The following CCDC85C variants were observed in gnomAD, a reference collection of about 807,000 sequenced individuals.
The protein encoded by CCDC85C is coiled-coil domain containing 85C, also known as coiled-coil domain-containing protein 85C.
A neutral mutation model predicts 38.3 loss-of-function variants in CCDC85C; 18 were observed. The observed-to-expected ratio is 0.47, with a 90% CI of 0.33 to 0.70. CCDC85C has a LOEUF of 0.70. Ranked by LOEUF, CCDC85C falls within the 30% of genes least tolerant of loss-of-function variation. CCDC85C has a pLI of 0.03. For synonymous variants in CCDC85C, 264 were observed against 293.8 expected, an observed-to-expected ratio of 0.90 and a Z score of 1.04; for missense variants, 566 against 621.2, an observed-to-expected ratio of 0.91 and a Z score of 0.94.
rs1197397202 is a variant in CCDC85C, at chr14:99,510,080, C to T, written c.*5166G>A. 8 of 1,418,832 alleles carry T rather than the reference C, an allele frequency of 5.6e-6. No individual in the cohort carries two copies. Among genetic ancestry groups the T allele is most frequent in the Non-Finnish European group, 6.6e-6 (7 of 1,059,302 alleles). 87.9% of individuals were successfully genotyped at this position (1,418,832 alleles called of 1,614,324 possible). On this transcript the variant is annotated 3_prime_UTR_variant, in exon 6 of 6. Transcript: ENST00000380243. ...GCTCCCTGCTCCTCTGTAAAGATGGCCCTGAAGGGCCAGGAGGCACTGAAA... is the reference window on the plus strand; with the variant it reads ...GCTCCCTGCTCCTCTGTAAAGATGGTCCTGAAGGGCCAGGAGGCACTGAAA...
chr14:99,580,602 C>T lies in CCDC85C; in HGVS notation c.793+22565G>A, dbSNP rs564494158. ...ACTCATGGCCGGGCATGGTGGCTCA[C>T]GTCTGTAATCCCAGCACTTTGGGAG... On this transcript the variant is annotated intron_variant, in intron 1 of 5. Transcript: ENST00000380243. Among the ~76,000 whole-genome samples, 6 of 152,138 alleles carry T rather than the reference C, an allele frequency of 3.9e-5. No homozygotes were observed. In the East Asian group the frequency reaches 5.8e-4, roughly 15 times the overall value.
intron 1 of CCDC85C, among the ~76,000 whole-genome samples, chr14:99,577,967 C>T (rs1352046448): frequency 6.9e-6 from 1 of 144,344 alleles, no homozygotes; most frequent in Non-Finnish European, 1.5e-5. Context: ...CCCATACAGC[C>T]CATCCTGTAT....
intron 1 of CCDC85C, among the ~76,000 whole-genome samples, chr14:99,586,688 A>G (rs974899636): frequency 2.0e-5 from 3 of 152,142 alleles, no homozygotes; most frequent in African/African-American, 7.2e-5. Flanking sequence ...CCAGATGCCA[A>G]CTCATCACTG....
At position 99,573,319 on chromosome 14, in the gene CCDC85C, G is replaced by A. The variant is rs548499046; in HGVS notation, c.793+29848C>T. On this transcript the variant is annotated intron_variant, in intron 1 of 5. Transcript: ENST00000380243. ...GCCGGCTCTGCCTGGTGCATGGGTC[G>A]AGGTGCTCATCAGTTTCAGAAGCTG... Among the ~76,000 whole-genome samples, 49 of 152,302 alleles carry A rather than the reference G, an allele frequency of 3.2e-4. No homozygotes were observed. In the South Asian group the frequency reaches 5.4e-3, roughly 17 times the overall value.
intron 1 of CCDC85C, among the ~76,000 whole-genome samples, chr14:99,546,458 G>A (rs564963688): frequency 6.6e-6 from 1 of 152,238 alleles, no homozygotes; most frequent in Admixed American, 6.5e-5. Context: ...GATCTGCGGT[G>A]AGAGCAGTGG....
At position 99,568,990 on chromosome 14, in the gene CCDC85C, T is replaced by C. The variant is rs140694604; in HGVS notation, c.794-32902A>G. Among the ~76,000 whole-genome samples, 113 of 152,208 alleles carry C rather than the reference T, an allele frequency of 7.4e-4. No homozygotes were observed. In the East Asian group the frequency reaches 0.018, roughly 25 times the overall value. ...TCTCTCTCCTGGGAGGGCTGGCGCC[T>C]GGCACAGCCCCAGGTCCATGGGCTA... On this transcript the variant is annotated intron_variant, in intron 1 of 5. Coordinates refer to ENST00000380243, the MANE Select transcript of CCDC85C (RefSeq NM_001144995.2).
At chr14:99,578,107 AGT>A (rs58957780) in intron 1 of CCDC85C, among the ~76,000 whole-genome samples, 4,808 of 75,940 alleles carry the variant, frequency 0.063, 280 homozygotes, top group Middle Eastern at 0.1. Flanking sequence ...ATCCCCCATC[AGT>A]GTGTGTGTGT....
At chr14:99,570,538 A>G (rs2400748) in intron 1 of CCDC85C, among the ~76,000 whole-genome samples, 86,268 of 151,974 alleles carry the variant, frequency 0.57, 24,533 homozygotes, top group African/African-American at 0.62. Context: ...TGGGCCTCGG[A>G]TGCTTCTTTT....
chr14:99,582,104 A>C (rs1330886439), intron 1 of CCDC85C, among the ~76,000 whole-genome samples: 1 of 152,184 alleles, frequency 6.6e-6, no homozygotes, highest in Non-Finnish European at 1.5e-5. Flanking sequence ...TCAGGTGGCC[A>C]CACCCAGCGG....
chr14:99,515,193 A>G lies in CCDC85C; in HGVS notation c.*53T>C. ...GTCCTGCCCGTGTCTGGGGCCTGAAACTCCCCCTGGGGACCCCCAGCAGGG... is the reference window on the plus strand; with the variant it reads ...GTCCTGCCCGTGTCTGGGGCCTGAAGCTCCCCCTGGGGACCCCCAGCAGGG... On this transcript the variant is annotated 3_prime_UTR_variant, in exon 6 of 6. Coordinates refer to ENST00000380243, the MANE Select transcript of CCDC85C (RefSeq NM_001144995.2). 7.2e-7 allele frequency: 1 copy of G among 1,389,942 alleles called. No individual in the cohort carries two copies. Among genetic ancestry groups the G allele is most frequent in the Non-Finnish European group, 9.9e-7 (1 of 1,008,148 alleles). The allele number at this position is 1,389,942 out of a possible 1,614,324, so 86.1% of individuals were successfully genotyped here. A position where few individuals can be genotyped will look rare whatever the true frequency, so the allele number is the denominator to read the frequency against.
chr14:99,580,119 G>C, intron 1 of CCDC85C: 1 of 455,682 alleles, frequency 2.2e-6, no homozygotes, highest in South Asian at 1.5e-5. Flanking sequence ...AAAGTGGCTG[G>C]AGCTGCTGGG....
In CCDC85C at chr14:99,572,451, G is replaced by A. The variant is rs1417878509; in HGVS notation, c.793+30716C>T. 1.3e-5 allele frequency among the ~76,000 whole-genome samples: 2 copies of A among 151,622 alleles called. No individual in the cohort carries two copies. The highest frequency in any genetic ancestry group is 2.9e-5 in the Non-Finnish European group (2 of 67,920). Reference sequence around the variant, plus strand: ...GGCCCTGCTCCACAGGGAAGCCAGAGGGCCTCACAAGTATAAATGATCAGG... The same window carrying A: ...GGCCCTGCTCCACAGGGAAGCCAGAAGGCCTCACAAGTATAAATGATCAGG... On this transcript the variant is annotated intron_variant, in intron 1 of 5. Coordinates refer to ENST00000380243, the MANE Select transcript of CCDC85C (RefSeq NM_001144995.2). The surrounding 1 kb of genome is among the most constrained non-coding windows in gnomAD (Gnocchi z 4.4).
chr14:99,530,660 G>C (rs1262535637), intron 2 of CCDC85C, among the ~76,000 whole-genome samples: 4 of 152,252 alleles, frequency 2.6e-5, no homozygotes. Flanking sequence ...GACAGCAGAG[G>C]GCACATGGTC....
At chr14:99,574,407 A>G (rs1016569606) in intron 1 of CCDC85C, among the ~76,000 whole-genome samples, 22 of 151,672 alleles carry the variant, frequency 1.5e-4, no homozygotes, top group African/African-American at 5.1e-4. Context: ...CTCTCCCCCA[A>G]ACAGGTCCTG....
In CCDC85C at chr14:99,509,828, C is replaced by T. The variant is rs368365948; in HGVS notation, c.*5418G>A. 4.8e-5 allele frequency: 19 copies of T among 394,012 alleles called. No individual in the cohort carries two copies. The highest frequency in any genetic ancestry group is 3.7e-4 in the African/African-American group (18 of 48,028). 24.4% of individuals were successfully genotyped at this position (394,012 alleles called of 1,614,324 possible). On this transcript the variant is annotated 3_prime_UTR_variant, in exon 6 of 6. Transcript: ENST00000380243. The stretch of plus-strand genomic sequence containing the variant: ...CTGAAGGCAGAAAAACAGAGGAGCC[C>T]CCACACGTTTTGCACTAGGAAGAGG...
Position 99,603,966 on chromosome 14 carries a change from G to T in CCDC85C, c.-7C>A, listed in dbSNP as rs1442054580. On this transcript the variant is annotated 5_prime_UTR_variant, in exon 1 of 6. Transcript: ENST00000380243. The surrounding 1 kb of genome is among the most constrained non-coding windows in gnomAD (Gnocchi z 7.5). ...TCGCCGCGGGCTTAGCCATGGCGGG[G>T]CCGTCACCGCGGCATCGCCCTCGCC... is the stretch of plus-strand genomic sequence containing the variant. 1.1e-4 allele frequency: 141 copies of T among 1,329,040 alleles called. No homozygotes were observed. Among genetic ancestry groups the T allele is most frequent in the Non-Finnish European group, 1.3e-4 (137 of 1,044,834 alleles). The allele number at this position is 1,329,040 out of a possible 1,614,324, so 82.3% of individuals were successfully genotyped here. A position where few individuals can be genotyped will look rare whatever the true frequency, so the allele number is the denominator to read the frequency against.
In CCDC85C at chr14:99,602,477, C is replaced by G. The variant is rs116053386; in HGVS notation, c.793+690G>C. On this transcript the variant is annotated intron_variant, in intron 1 of 5. Coordinates refer to ENST00000380243, the MANE Select transcript of CCDC85C (RefSeq NM_001144995.2). The stretch of plus-strand genomic sequence containing the variant: ...GAGGCAGAGGTCATCATCTCCATTT[C>G]ACAGACAAAGAAACTGAGGCACACA... Among the ~76,000 whole-genome samples, 945 of 152,362 alleles carry G rather than the reference C, an allele frequency of 6.2e-3. 9 individuals carry two copies. Among genetic ancestry groups the G allele is most frequent in the African/African-American group, 0.022 (913 of 41,594 alleles).
intron 1 of CCDC85C, among the ~76,000 whole-genome samples, chr14:99,590,548 T>C (rs1012780468): frequency 1.3e-5 from 2 of 151,944 alleles, no homozygotes; most frequent in African/African-American, 4.8e-5. Flanking sequence ...ACACTGCCAT[T>C]GCATTTCCAG....
At chr14:99,591,534 A>G (rs983665485) in intron 1 of CCDC85C, among the ~76,000 whole-genome samples, 3 of 152,008 alleles carry the variant, frequency 2.0e-5, no homozygotes, top group African/African-American at 7.3e-5. Context: ...ACCTCAGAGG[A>G]AGGGCAGGAT....
Sources: allele counts gnomAD v4.1 joint callset (sites outside exome capture counted in the v4.1 genomes callset), GRCh38; gene constraint gnomAD v4.1.1; non-coding constraint Gnocchi (gnomAD v3.1); transcripts MANE v1.5; gene names NCBI Gene and HGNC (gene_info 2026-07-23, HGNC 2026-07-21).